RAD9B: variants seen among roughly 807,000 people sequenced by gnomAD.
The protein encoded by RAD9B is RAD9 checkpoint clamp component B.
In RAD9B, 41 loss-of-function variants were observed where a neutral mutation model predicts 48.3. The observed-to-expected ratio is 0.85, with a 90% confidence interval of 0.66 to 1.10. The LOEUF (loss-of-function observed/expected upper bound fraction) is 1.10. Among genes scored for constraint, RAD9B ranks in the 50% least tolerant of loss-of-function variants. The pLI is 0.00. For missense variants in RAD9B, 444 were observed against 485.1 expected, an observed-to-expected ratio of 0.92 and a Z score of 0.80; for synonymous variants, 160 against 157.9, an observed-to-expected ratio of 1.01 and a Z score of -0.10.
chr12:110,503,707 G>T (rs1307425461), intron 1 of RAD9B, 99 bp from the exon 2 acceptor site: 1 of 829,998 alleles, frequency 1.2e-6, no homozygotes, highest in South Asian at 1.5e-5. Flanking sequence ...TGTTATTTTT[G>T]AATTTCTCTT....
Position 110,531,204 on chromosome 12 carries a change from G to C in RAD9B, c.*551G>C, listed in dbSNP as rs1443223156. 4 of 960,946 alleles carry C rather than the reference G, an allele frequency of 4.2e-6. No homozygotes were observed. The highest frequency in any genetic ancestry group is 5.0e-6 in the Non-Finnish European group (4 of 798,420). The allele number at this position is 960,946 out of a possible 1,614,324, so 59.5% of individuals were successfully genotyped here. Reference sequence around the variant, plus strand: ...AAAAATATATAGTCACTTTCACTTGGCTTTTTTAGACGGAGTCTCACTTTG... The same window carrying C: ...AAAAATATATAGTCACTTTCACTTGCCTTTTTTAGACGGAGTCTCACTTTG... On this transcript the variant is annotated 3_prime_UTR_variant, in exon 11 of 11. Transcript: ENST00000409300.
At chr12:110,515,014 T>A (rs375155260) in intron 5 of RAD9B, 36 bp from the exon 6 acceptor site, 2 of 1,280,266 alleles carry the variant, frequency 1.6e-6, no homozygotes, top group East Asian at 2.6e-5. Flanking sequence ...TGTTTGTTTT[T>A]CAAATAATGT....
chr12:110,525,561 C>T (rs1338818039), intron 10 of RAD9B, among the ~76,000 whole-genome samples: 2 of 152,106 alleles, frequency 1.3e-5, no homozygotes, highest in East Asian at 3.8e-4. Context: ...TCTCTTTGTA[C>T]ATCGTATCTG....
intron 10 of RAD9B, 59 bp from the exon 11 acceptor site, chr12:110,530,466 C>A: frequency 6.5e-7 from 1 of 1,540,630 alleles, no homozygotes. Flanking sequence ...TCACCTGGAG[C>A]ATTTAATGAG....
At chr12:110,528,864 A>G (rs1254575736) in intron 10 of RAD9B, among the ~76,000 whole-genome samples, 1 of 152,104 alleles carries the variant, frequency 6.6e-6, no homozygotes, top group Non-Finnish European at 1.5e-5. Context: ...AGTAGCTGGG[A>G]TTACAGGCAT....
intron 10 of RAD9B, among the ~76,000 whole-genome samples, chr12:110,528,239 TGAGAAGTGGA>T (rs1565903838): frequency 1.3e-5 from 2 of 151,516 alleles, no homozygotes; most frequent in Admixed American, 1.3e-4. Context: ...ATTACTTAGA[TGAGAAGTGGA>T]GAGAGGCGGC....
At position 110,502,469 on chromosome 12, in the gene RAD9B, C is replaced by T. The variant is rs2063109791; in HGVS notation, c.46+86C>T. On this transcript the variant is annotated intron_variant, in intron 1 of 10. Coordinates refer to ENST00000409300, the MANE Select transcript of RAD9B (RefSeq NM_001286535.2). ...TCCCTACCATTGTCTAATTTTTCCT[C>T]TTTGCCTTTTTGCGCAATGACTGAG... 3 of 1,512,352 alleles carry T rather than the reference C, an allele frequency of 2.0e-6. No individual in the cohort carries two copies. The African/African-American group carries it at 4.1e-5, about 21-fold the overall frequency. 93.7% of individuals were successfully genotyped at this position (1,512,352 alleles called of 1,614,324 possible). A position where few individuals can be genotyped will look rare whatever the true frequency, so the allele number is the denominator to read the frequency against.
At chr12:110,508,987 C>T (rs997691595) in intron 4 of RAD9B, among the ~76,000 whole-genome samples, 3 of 151,762 alleles carry the variant, frequency 2.0e-5, no homozygotes, top group African/African-American at 4.8e-5. Flanking sequence ...TTTTTTAAGA[C>T]GGAGTCTGGT....
At position 110,515,032 on chromosome 12, in the gene RAD9B, G is replaced by T. The variant is rs1294677087; in HGVS notation, c.489-18G>T. ...TTGTTTTTCAAATAATGTTAATACT[G>T]TTCTTTACATTTTATAGATTGCTTG... On this transcript the variant is annotated intron_variant, in intron 5 of 10. Transcript: ENST00000409300. 5 of 1,424,468 alleles carry T rather than the reference G, an allele frequency of 3.5e-6. No individual in the cohort carries two copies. Among genetic ancestry groups the T allele is most frequent in the Non-Finnish European group, 4.8e-6 (5 of 1,032,872 alleles). The allele number at this position is 1,424,468 out of a possible 1,614,324, so 88.2% of individuals were successfully genotyped here.
intron 3 of RAD9B, among the ~76,000 whole-genome samples, 161 bp from the exon 4 acceptor site, chr12:110,506,418 G>A (rs190940577): frequency 6.8e-4 from 99 of 146,552 alleles, no homozygotes; most frequent in African/African-American, 2.4e-3. Flanking sequence ...TCGATCTCCT[G>A]ACCTCGTGAT....
At chr12:110,520,451 A>G (rs2063739651) in intron 9 of RAD9B, among the ~76,000 whole-genome samples, 1 of 150,856 alleles carries the variant, frequency 6.6e-6, no homozygotes, top group Admixed American at 6.6e-5. Context: ...GGCTGAAGCC[A>G]TCCACCTGCC....
chr12:110,521,571 T>C (rs955609609), intron 9 of RAD9B, among the ~76,000 whole-genome samples: 7 of 151,024 alleles, frequency 4.6e-5, no homozygotes, highest in African/African-American at 1.7e-4. Flanking sequence ...TTTTTTTTTT[T>C]TTTGAGTCAG....
At chr12:110,514,943 C>A in intron 5 of RAD9B, 107 bp from the exon 6 acceptor site, 1 of 665,746 alleles carries the variant, frequency 1.5e-6, no homozygotes. Context: ...TAAACCCAGG[C>A]CAAGTAATTA....
intron 2 of RAD9B, among the ~76,000 whole-genome samples, chr12:110,504,234 C>T (rs987301682): frequency 2.0e-5 from 3 of 150,648 alleles, no homozygotes; most frequent in Admixed American, 6.6e-5. Flanking sequence ...TTTGGGAGGC[C>T]GAGGTGGGTG....
At chr12:110,509,272 T>G (rs1464682138) in intron 4 of RAD9B, among the ~76,000 whole-genome samples, 1 of 151,590 alleles carries the variant, frequency 6.6e-6, no homozygotes, top group Non-Finnish European at 1.5e-5. Flanking sequence ...CCGGCCCTAA[T>G]TTTTTATATT....
At chr12:110,508,881 A>G (rs2063371615) in intron 4 of RAD9B, among the ~76,000 whole-genome samples, 1 of 152,066 alleles carries the variant, frequency 6.6e-6, no homozygotes, top group Non-Finnish European at 1.5e-5. Context: ...TGCAGCCTTG[A>G]CTTCCCAGAC....
intron 10 of RAD9B, among the ~76,000 whole-genome samples, chr12:110,524,959 A>G (rs2135726793): frequency 6.6e-6 from 1 of 152,162 alleles, no homozygotes; most frequent in African/African-American, 2.4e-5. Context: ...TATTTTGATT[A>G]TTACTCTGCC....
intron 5 of RAD9B, 112 bp from the exon 6 acceptor site, chr12:110,514,938 C>A: frequency 9.4e-6 from 6 of 641,354 alleles, no homozygotes; most frequent in South Asian, 5.0e-5. Context: ...TTTTCTAAAC[C>A]CAGGCCAAGT....
At chr12:110,508,860 T>G (rs917825055) in intron 4 of RAD9B, among the ~76,000 whole-genome samples, 6 of 152,194 alleles carry the variant, frequency 3.9e-5, no homozygotes, top group African/African-American at 1.4e-4. Flanking sequence ...AGTGGCGTGA[T>G]CTTGGCTCAC....
Sources: allele counts gnomAD v4.1 joint callset (sites outside exome capture counted in the v4.1 genomes callset), GRCh38; gene constraint gnomAD v4.1.1; transcripts MANE v1.5; gene names NCBI Gene and HGNC (gene_info 2026-07-23, HGNC 2026-07-21).